CDH18: variants seen among roughly 807,000 people sequenced by gnomAD.
CDH18 encodes cadherin 18, also known as cadherin-18.
CDH18 carries 31 observed loss-of-function variants against 67.9 expected under a neutral mutation model. The observed-to-expected ratio is 0.46, with a 90% CI of 0.34 to 0.62. The LOEUF (loss-of-function observed/expected upper bound fraction) is 0.62. Ranked by LOEUF, CDH18 falls within the 20% of genes least tolerant of loss-of-function variation. The pLI is 0.01. For synonymous variants in CDH18, 362 were observed against 347.2 expected, an observed-to-expected ratio of 1.04 and a Z score of -0.48; for missense variants, 890 against 975.5, an observed-to-expected ratio of 0.91 and a Z score of 1.17.
chr5:19,719,884 G>T (rs1175821422), intron 5 of CDH18, among the ~76,000 whole-genome samples: 4 of 143,488 alleles, frequency 2.8e-5, no homozygotes, highest in Non-Finnish European at 6.1e-5. Context: ...GAGAGAGAAA[G>T]AAAGAAAGAG....
chr5:20,521,093 A>G (rs1755714275), intron 1 of CDH18, among the ~76,000 whole-genome samples: 1 of 152,226 alleles, frequency 6.6e-6, no homozygotes, highest in Admixed American at 6.5e-5. Context: ...AGAGAAGATT[A>G]AAAATGAAAT....
chr5:20,437,110 G>A (rs1487883808), intron 1 of CDH18, among the ~76,000 whole-genome samples: 1 of 149,744 alleles, frequency 6.7e-6, no homozygotes, highest in African/African-American at 2.5e-5. Flanking sequence ...TTTACATGTG[G>A]TGTTACATCA....
At chr5:20,353,396 T>C (rs74945942) in intron 1 of CDH18, among the ~76,000 whole-genome samples, 1,736 of 152,330 alleles carry the variant, frequency 0.011, 37 homozygotes, top group African/African-American at 0.04. Flanking sequence ...CACCACTTCC[T>C]GTGCTTTAAT....
chr5:20,333,528 T>C (rs200050478), intron 1 of CDH18, among the ~76,000 whole-genome samples: 6,883 of 136,680 alleles, frequency 0.05, 569 homozygotes, highest in African/African-American at 0.17. Context: ...ACAATATATA[T>C]ACACACACAC....
intron 9 of CDH18, among the ~76,000 whole-genome samples, chr5:19,530,093 T>C (rs1329319572): frequency 6.6e-6 from 1 of 152,176 alleles, no homozygotes; most frequent in African/African-American, 2.4e-5. Flanking sequence ...ATATACATTG[T>C]CAGTGGTACC....
At chr5:20,255,842 G>C (rs1048817093) in intron 1 of CDH18, among the ~76,000 whole-genome samples, 2 of 151,844 alleles carry the variant, frequency 1.3e-5, no homozygotes, top group African/African-American at 4.8e-5. Context: ...TTAGTATTAT[G>C]CCTTAAACAT....
intron 9 of CDH18, among the ~76,000 whole-genome samples, chr5:19,527,573 G>A (rs1206792954): frequency 6.6e-6 from 1 of 151,356 alleles, no homozygotes; most frequent in Non-Finnish European, 1.5e-5. Context: ...CATATAAAAA[G>A]TTTTAAAATA....
At chr5:19,704,819 G>A (rs11949907) in intron 5 of CDH18, among the ~76,000 whole-genome samples, 53,009 of 151,976 alleles carry the variant, frequency 0.35, 9,662 homozygotes, top group African/African-American at 0.47. Flanking sequence ...CAGGTAAATG[G>A]AGAATGTTGA....
At chr5:20,010,159 G>GGTGT (rs35461877) in intron 2 of CDH18, among the ~76,000 whole-genome samples, 57,172 of 146,110 alleles carry the variant, frequency 0.39, 11,156 homozygotes, top group Middle Eastern at 0.62. Context: ...AGTGGAAAGT[G>GGTGT]GTGTGTGTGT....
chr5:20,299,683 G>A (rs1311386671), intron 1 of CDH18, among the ~76,000 whole-genome samples: 1 of 150,578 alleles, frequency 6.6e-6, no homozygotes, highest in African/African-American at 2.5e-5. Context: ...TGCTGAACCC[G>A]GGAGTCAGAG....
chr5:19,483,584 T>A lies in CDH18; in HGVS notation c.1631-32A>T, dbSNP rs777965224. 3.2e-6 allele frequency: 5 copies of A among 1,550,414 alleles called. No homozygotes were observed. In the Admixed American group the frequency reaches 9.6e-5, roughly 30 times the overall value. ...TAGACATAAGCAAAACAAAATACAC[T>A]TAGTCAAGCCGCCATTCAAGATTCA... On this transcript the variant is annotated intron_variant, in intron 11 of 12. Transcript: ENST00000382275.
chr5:19,542,594 C>T (rs1750447805), intron 9 of CDH18, among the ~76,000 whole-genome samples: 1 of 152,000 alleles, frequency 6.6e-6, no homozygotes, highest in South Asian at 2.1e-4. Flanking sequence ...AATGAAGTAC[C>T]AATGACACAT....
At position 19,508,205 on chromosome 5, in the gene CDH18, C is replaced by T. The variant is rs74609423; in HGVS notation, c.1513-5096G>A. On this transcript the variant is annotated intron_variant, in intron 10 of 12. Coordinates refer to ENST00000382275, the MANE Select transcript of CDH18 (RefSeq NM_004934.5). ...CTCTTTCATCATGTAATAGAATTTG[C>T]ATTCATTGTTACCTTAGACTTTCTT... Among the ~76,000 whole-genome samples the T allele has an allele frequency of 2.6e-5, 4 of 152,144 alleles. No individual in the cohort carries two copies. In the East Asian group the frequency reaches 5.8e-4, roughly 22 times the overall value.
chr5:20,149,964 A>T (rs1325665025), intron 2 of CDH18, among the ~76,000 whole-genome samples: 2 of 152,106 alleles, frequency 1.3e-5, no homozygotes, highest in Admixed American at 6.6e-5. Context: ...TGCAATTCAG[A>T]GTTGCCCACA....
At chr5:19,899,538 A>C (rs1047607745) in intron 2 of CDH18, among the ~76,000 whole-genome samples, 1 of 152,190 alleles carries the variant, frequency 6.6e-6, no homozygotes, top group Non-Finnish European at 1.5e-5. Flanking sequence ...GCTTATGGAA[A>C]AGAATGAGGA....
chr5:20,384,124 C>T (rs1286097098), intron 1 of CDH18, among the ~76,000 whole-genome samples: 1 of 152,084 alleles, frequency 6.6e-6, no homozygotes, highest in Non-Finnish European at 1.5e-5. Context: ...AAACACTTAA[C>T]ATGAGATCTA....
In CDH18 at chr5:19,566,537, G is replaced by C. The variant is rs139712132; in HGVS notation, c.1253+5042C>G. Among the ~76,000 whole-genome samples the C allele has an allele frequency of 1.4e-3, 220 of 152,310 alleles. 1 individual carries two copies. Among genetic ancestry groups the C allele is most frequent in the African/African-American group, 5.1e-3 (213 of 41,572 alleles). Reference sequence around the variant, plus strand: ...AAAAGGCACGTCTTGCGTGGGGGCAGACAAGAAAGAATGAGAGCCAAGTGA... The same window carrying C: ...AAAAGGCACGTCTTGCGTGGGGGCACACAAGAAAGAATGAGAGCCAAGTGA... On this transcript the variant is annotated intron_variant, in intron 8 of 12. Transcript: ENST00000382275.
intron 1 of CDH18, among the ~76,000 whole-genome samples, chr5:20,501,820 G>C (rs1754350636): frequency 7.1e-6 from 1 of 140,288 alleles, no homozygotes; most frequent in African/African-American, 2.6e-5. Context: ...AAATATTAAA[G>C]AACACTGAAG....
chr5:20,150,680 T>G (rs907846068), intron 2 of CDH18, among the ~76,000 whole-genome samples: 1 of 151,994 alleles, frequency 6.6e-6, no homozygotes, highest in South Asian at 2.1e-4. Flanking sequence ...ATTGAAAATG[T>G]TTATGTGAAG....
Sources: allele counts gnomAD v4.1 joint callset (sites outside exome capture counted in the v4.1 genomes callset), GRCh38; gene constraint gnomAD v4.1.1; transcripts MANE v1.5; gene names NCBI Gene and HGNC (gene_info 2026-07-23, HGNC 2026-07-21).